SPNS1: variants seen among roughly 807,000 people sequenced by gnomAD.
SPNS1 encodes the protein SPNS lysolipid transporter 1, lysophospholipid.
A neutral mutation model predicts 50.3 loss-of-function variants in SPNS1; 22 were observed. The ratio of observed to expected loss-of-function variants is 0.44; its 90% confidence interval spans 0.31 to 0.62. The LOEUF is 0.62. Among genes scored for constraint, SPNS1 ranks in the 20% least tolerant of loss-of-function variants. The pLI, the probability that SPNS1 is intolerant of heterozygous loss-of-function variation, is 0.07. For synonymous variants in SPNS1, 295 were observed against 317.4 expected, an observed-to-expected ratio of 0.93 and a Z score of 0.75; for missense variants, 576 against 728.6, an observed-to-expected ratio of 0.79 and a Z score of 2.41.
chr16:28,977,531 A>G (rs574651823), intron 2 of SPNS1, among the ~76,000 whole-genome samples: 56 of 152,166 alleles, frequency 3.7e-4, no homozygotes, highest in African/African-American at 1.3e-3. Context: ...GGCCTTGACA[A>G]TTGGGCCATT....
At chr16:28,977,077 T>C (rs1216873454) in intron 2 of SPNS1, among the ~76,000 whole-genome samples, 3 of 152,128 alleles carry the variant, frequency 2.0e-5, no homozygotes, top group Non-Finnish European at 4.4e-5. Context: ...CCCAGCACTT[T>C]GGGAGGCCGA....
At chr16:28,982,268 C>A (rs2141675283) in intron 7 of SPNS1, 88 bp from the exon 8 acceptor site, 4 of 1,447,734 alleles carry the variant, frequency 2.8e-6, no homozygotes, top group East Asian at 2.3e-5. Context: ...TCTGTAGGGA[C>A]CTTGGTTGTG....
At position 28,981,054 on chromosome 16, in the gene SPNS1, C is replaced by T. The variant is rs370858559; in HGVS notation, c.664-416C>T. ...GTGAGAACTCCAGATGATTACCTTT[C>T]CATTTAGCAACATTGGCACCTTGGA... On this transcript the variant is annotated intron_variant, in intron 5 of 11. Coordinates refer to ENST00000311008, the MANE Select transcript of SPNS1 (RefSeq NM_032038.3). The surrounding 1 kb of genome is among the most constrained non-coding windows in gnomAD (Gnocchi z 4.2). 2.0e-5 allele frequency among the ~76,000 whole-genome samples: 3 copies of T among 152,284 alleles called. No individual in the cohort carries two copies. The highest frequency in any genetic ancestry group is 4.4e-5 in the Non-Finnish European group (3 of 68,018).
Position 28,983,980 on chromosome 16 carries a change from C to T in SPNS1, c.1492+23C>T, listed in dbSNP as rs777699822. 39 of 1,533,604 alleles carry T rather than the reference C, an allele frequency of 2.5e-5. No homozygotes were observed. The highest frequency in any genetic ancestry group is 2.8e-5 in the Non-Finnish European group (32 of 1,145,210). 95.0% of individuals were successfully genotyped at this position (1,533,604 alleles called of 1,614,324 possible). ...AGGGTCAGTTAGGAGCTGTGCCCGGCCCAGCTTCTTGATCTGCCTGTCTGT... is the reference window on the plus strand; with the variant it reads ...AGGGTCAGTTAGGAGCTGTGCCCGGTCCAGCTTCTTGATCTGCCTGTCTGT... On this transcript the variant is annotated intron_variant, in intron 11 of 11. Coordinates refer to ENST00000311008, the MANE Select transcript of SPNS1 (RefSeq NM_032038.3). The surrounding 1 kb of genome is among the most constrained non-coding windows in gnomAD (Gnocchi z 5.4).
Position 28,983,283 on chromosome 16 carries a change from T to C in SPNS1, c.1313T>C (p.Ile438Thr), listed in dbSNP as rs766296448. The C allele has an allele frequency of 3.2e-5, 52 of 1,613,762 alleles. No homozygotes were observed. The highest frequency in any genetic ancestry group is 3.9e-5 in the Non-Finnish European group (46 of 1,179,762). Residue 438 changes from isoleucine to threonine, a missense_variant, in exon 10 of 12, where the codon ATT becomes ACT. Transcript: ENST00000311008. The surrounding 1 kb of genome is among the most constrained non-coding windows in gnomAD (Gnocchi z 5.4). The part of the protein sequence containing the change: ...LLGDAGSPYL[I>T]GLISDRLRRN... ...GGTGATGCTGGGAGCCCCTACCTCA[T>C]TGGCCTGGTGAGCATTATTTCTTGG...
intron 2 of SPNS1, 95 bp from the exon 3 acceptor site, chr16:28,977,813 A>T: frequency 1.4e-6 from 2 of 1,478,152 alleles, no homozygotes; most frequent in East Asian, 2.3e-5. Flanking sequence ...TGTAAGGAGA[A>T]GGCAGGCATC....
chr16:28,982,184 C>T (rs557026928), intron 7 of SPNS1, 128 bp downstream of exon 7: 22 of 1,376,222 alleles, frequency 1.6e-5, no homozygotes, highest in South Asian at 1.5e-4. Flanking sequence ...CTGGAATCTC[C>T]GTTTCCTGGT....
chr16:28,978,058 C>A lies in SPNS1; in HGVS notation c.444+14C>A. The A allele has an allele frequency of 1.2e-6, 2 of 1,610,586 alleles. No homozygotes were observed. Among genetic ancestry groups the A allele is most frequent in the Non-Finnish European group, 1.7e-6 (2 of 1,177,798 alleles). On this transcript the variant is annotated intron_variant, in intron 3 of 11. Transcript: ENST00000311008. ...ATCCCCGGAGAGGTGAGGCCCCAAG[C>A]TGGCTCCTGTTTCTGCCCACACCCC...
intron 7 of SPNS1, 96 bp downstream of exon 7, chr16:28,982,152 A>T: frequency 6.8e-6 from 10 of 1,479,786 alleles, no homozygotes; most frequent in Non-Finnish European, 9.2e-6. Flanking sequence ...TTGACTCCTG[A>T]CTTCACAAGC....
At chr16:28,979,665 C>T in intron 5 of SPNS1, 194 bp downstream of exon 5, 1 of 612,246 alleles carries the variant, frequency 1.6e-6, no homozygotes, top group Non-Finnish European at 2.9e-6. Context: ...ATCCTCCCAC[C>T]TCAGCCTCCC....
intron 11 of SPNS1, 123 bp downstream of exon 11, chr16:28,984,080 T>A (rs1405947485): frequency 2.4e-5 from 34 of 1,436,428 alleles, no homozygotes; most frequent in Non-Finnish European, 2.9e-5. Flanking sequence ...GCCTCCAGTC[T>A]GTCTGCATCC....
In SPNS1 at chr16:28,975,007, G is replaced by A; in HGVS notation, c.-145G>A. 1.4e-6 allele frequency: 2 copies of A among 1,443,988 alleles called. No individual in the cohort carries two copies. The highest frequency in any genetic ancestry group is 1.4e-5 in the South Asian group (1 of 70,390). 89.4% of individuals were successfully genotyped at this position (1,443,988 alleles called of 1,614,324 possible). ...AGGGCCCGGGTCCCTTCTCAGTGGT[G>A]CTCTGTGCTTCAGGGCAAGCTCCCC... On this transcript the variant is annotated 5_prime_UTR_variant, in exon 1 of 12. Transcript: ENST00000311008.
At chr16:28,978,763 G>C (rs116364234) in intron 3 of SPNS1, 1 of 195,056 alleles carries the variant, frequency 5.1e-6, no homozygotes, top group East Asian at 1.5e-4. Flanking sequence ...GACTGTACCC[G>C]TCCTTAGCTT....
In SPNS1 at chr16:28,975,361, C is replaced by G; in HGVS notation, c.210C>G (p.Leu70=). The G allele has an allele frequency of 6.2e-7, 1 of 1,601,990 alleles. No individual in the cohort carries two copies. Among genetic ancestry groups the G allele is most frequent in the Non-Finnish European group, 8.5e-7 (1 of 1,172,230 alleles). ...LIVAVLCYIN[L]LNYMDRFTVA... is the part of the protein sequence containing the mutation. ...TGGCGGTGCTGTGCTACATCAATCTCCTGAACTACATGGACCGCTTCACCG... is the reference window on the plus strand; with the variant it reads ...TGGCGGTGCTGTGCTACATCAATCTGCTGAACTACATGGACCGCTTCACCG... Residue 70 remains leucine, a synonymous_variant, in exon 1 of 12, where the codon CTC becomes CTG. Coordinates refer to ENST00000311008, the MANE Select transcript of SPNS1 (RefSeq NM_032038.3).
Position 28,984,466 on chromosome 16 carries a change from C to A in SPNS1, c.*167C>A. On this transcript the variant is annotated 3_prime_UTR_variant, in exon 12 of 12. Coordinates refer to ENST00000311008, the MANE Select transcript of SPNS1 (RefSeq NM_032038.3). ...TAGCTCAGGGGAGGAGGTGGGGGTC[C>A]AGGAGGGGGATCCCTCTCCACAGGG... 1 of 742,290 alleles carries A rather than the reference C, an allele frequency of 1.3e-6. No individual in the cohort carries two copies. The highest frequency in any genetic ancestry group is 2.4e-6 in the Non-Finnish European group (1 of 422,964). The allele number at this position is 742,290 out of a possible 1,614,324, so 46.0% of individuals were successfully genotyped here. A position where few individuals can be genotyped will look rare whatever the true frequency, so the allele number is the denominator to read the frequency against.
At position 28,981,547 on chromosome 16, in the gene SPNS1, G is replaced by A. The variant is rs767422305; in HGVS notation, c.741G>A (p.Glu247=). 1.2e-6 allele frequency: 2 copies of A among 1,614,100 alleles called. No individual in the cohort carries two copies. The highest frequency in any genetic ancestry group is 1.1e-5 in the South Asian group (1 of 91,084). Residue 247 remains glutamate (E), a synonymous_variant, in exon 6 of 12, where the codon GAG becomes GAA. Coordinates refer to ENST00000311008, the MANE Select transcript of SPNS1 (RefSeq NM_032038.3). This position sits in a 1 kb window ranked among gnomAD's most constrained non-coding sequence, Gnocchi z 4.2. The stretch of plus-strand genomic sequence containing the variant: ...GGGAGCCGCCAAGGGGAGCCGTGGA[G>A]CGCCACTCAGATTTGCCACCCCTGA... The part of the protein sequence containing the change: ...VVREPPRGAV[E]RHSDLPPLNP...
In SPNS1 at chr16:28,975,140, C is replaced by T. The variant is rs987263345; in HGVS notation, c.-12C>T. On this transcript the variant is annotated 5_prime_UTR_variant, in exon 1 of 12. Coordinates refer to ENST00000311008, the MANE Select transcript of SPNS1 (RefSeq NM_032038.3). ...GGGACCGGAGCGCGGGCGGGCGCGG[C>T]CCCCCGGGACCATGGCCGGGTCCGA... 1.2e-5 allele frequency: 17 copies of T among 1,470,716 alleles called. No individual in the cohort carries two copies. Among genetic ancestry groups the T allele is most frequent in the African/African-American group, 2.8e-5 (2 of 70,518 alleles). 91.1% of individuals were successfully genotyped at this position (1,470,716 alleles called of 1,614,324 possible).
At position 28,975,606 on chromosome 16, in the gene SPNS1, G is replaced by A. The variant is rs774518637; in HGVS notation, c.307+49G>A. On this transcript the variant is annotated intron_variant, in intron 2 of 11. Coordinates refer to ENST00000311008, the MANE Select transcript of SPNS1 (RefSeq NM_032038.3). ...ACACAGCCGCTCCTCCTTCTGTTCT[G>A]TCTCAAGTGGGGCCACGCGCTGGCC... is the stretch of plus-strand genomic sequence containing the variant. 2.5e-6 allele frequency: 4 copies of A among 1,606,758 alleles called. No homozygotes were observed. In the South Asian group the frequency reaches 4.4e-5, roughly 18 times the overall value.
chr16:28,982,156 C>A, intron 7 of SPNS1, 100 bp downstream of exon 7: 1 of 1,454,570 alleles, frequency 6.9e-7, no homozygotes, highest in Non-Finnish European at 9.3e-7. Context: ...CTCCTGACTT[C>A]ACAAGCTGCC....
Sources: gnomAD v4.1 joint callset for allele counts (sites outside exome capture counted in the v4.1 genomes callset) on GRCh38, gnomAD v4.1.1 for gene constraint, Gnocchi (gnomAD v3.1) non-coding constraint, MANE v1.5 for transcripts, NCBI Gene and HGNC (gene_info 2026-07-23, HGNC 2026-07-21) for gene names.